EML4: variants seen among roughly 807,000 people sequenced by gnomAD.
The protein encoded by EML4 is echinoderm microtubule-associated protein-like 4.
EML4 carries 72 observed loss-of-function variants against 129.0 expected under a neutral mutation model. The observed-to-expected ratio is 0.56, with a 90% CI of 0.46 to 0.68. The LOEUF is 0.68. EML4 is among the 30% of genes least tolerant of loss of function. The pLI, the probability that EML4 is intolerant of heterozygous loss-of-function variation, is 0.00. For synonymous variants in EML4, 532 were observed against 405.0 expected (o/e 1.31, Z -3.77); for missense variants, 1,363 against 1,190.6 (o/e 1.14, Z -2.13).
intron 11 of EML4, chr2:42,289,142 A>T (rs1667475845): frequency 6.6e-6 from 1 of 152,224 alleles, no homozygotes; most frequent in African/African-American, 2.4e-5. Flanking sequence ...AAGGAATATA[A>T]GTTGTCAGAA....
chr2:42,228,888 A>C (rs1674145001), intron 1 of EML4, among the ~76,000 whole-genome samples: 1 of 152,214 alleles, frequency 6.6e-6, no homozygotes, highest in Non-Finnish European at 1.5e-5. Context: ...TAATGTTAAA[A>C]ATGATTATCA....
At chr2:42,192,554 T>A (rs1326913150) in intron 1 of EML4, among the ~76,000 whole-genome samples, 3 of 152,116 alleles carry the variant, frequency 2.0e-5, no homozygotes, top group African/African-American at 4.8e-5. Context: ...GTTTTCTTTT[T>A]AAAAGACCAT....
intron 21 of EML4, among the ~76,000 whole-genome samples, 178 bp from the exon 22 acceptor site, chr2:42,328,708 C>T (rs781515529): frequency 2.0e-5 from 3 of 152,074 alleles, no homozygotes; most frequent in Admixed American, 2.0e-4. Context: ...TTGGACAGGA[C>T]TTGATTTGAA....
intron 1 of EML4, among the ~76,000 whole-genome samples, chr2:42,181,472 G>C (rs927861750): frequency 2.0e-5 from 3 of 151,898 alleles, no homozygotes; most frequent in African/African-American, 7.3e-5. Flanking sequence ...GCTAATTTTT[G>C]TATTTTTCGT....
chr2:42,183,584 T>C (rs1179418029), intron 1 of EML4, among the ~76,000 whole-genome samples: 1 of 152,230 alleles, frequency 6.6e-6, no homozygotes, highest in Non-Finnish European at 1.5e-5. Context: ...TTGGTATATG[T>C]ATATGTATGT....
At chr2:42,326,848 C>G (rs1327637725) in intron 21 of EML4, among the ~76,000 whole-genome samples, 3 of 152,176 alleles carry the variant, frequency 2.0e-5, no homozygotes, top group African/African-American at 7.2e-5. Context: ...TGCCACTGCA[C>G]TCCAGCCTGG....
At chr2:42,257,785 C>G (rs1478817531) in intron 3 of EML4, among the ~76,000 whole-genome samples, 1 of 150,348 alleles carries the variant, frequency 6.7e-6, no homozygotes, top group East Asian at 2.0e-4. Flanking sequence ...TGCAGTGAGC[C>G]ACGATTGCGC....
intron 1 of EML4, among the ~76,000 whole-genome samples, chr2:42,231,463 C>A (rs1039543306): frequency 1.3e-5 from 2 of 152,180 alleles, no homozygotes; most frequent in African/African-American, 4.8e-5. Context: ...CTCAGCAGAT[C>A]CAAAACCACA....
chr2:42,230,016 C>T (rs1233511864), intron 1 of EML4, among the ~76,000 whole-genome samples: 1 of 152,024 alleles, frequency 6.6e-6, no homozygotes, highest in African/African-American at 2.4e-5. Flanking sequence ...CAATTATTGG[C>T]TAAATTTGCT....
At chr2:42,318,207 T>G (rs1669341791) in intron 19 of EML4, among the ~76,000 whole-genome samples, 1 of 152,234 alleles carries the variant, frequency 6.6e-6, no homozygotes, top group South Asian at 2.1e-4. Flanking sequence ...GCACAGTGGT[T>G]AAGAGCACAG....
At chr2:42,265,314 G>A (rs948652998) in intron 6 of EML4, among the ~76,000 whole-genome samples, 5 of 151,808 alleles carry the variant, frequency 3.3e-5, no homozygotes, top group Non-Finnish European at 7.4e-5. Flanking sequence ...CATGTTGGCC[G>A]GGCTGGCTGC....
intron 3 of EML4, among the ~76,000 whole-genome samples, chr2:42,260,841 A>G (rs955119089): frequency 2.6e-5 from 4 of 152,222 alleles, no homozygotes; most frequent in Admixed American, 6.5e-5. Context: ...TTGTCCCCCA[A>G]AATCTGCCAA....
At chr2:42,284,887 A>G (rs1263237729) in intron 9 of EML4, among the ~76,000 whole-genome samples, 184 bp downstream of exon 9, 2 of 152,186 alleles carry the variant, frequency 1.3e-5, no homozygotes, top group African/African-American at 4.8e-5. Flanking sequence ...AGTCATACTA[A>G]TAAATTTTGT....
intron 7 of EML4, among the ~76,000 whole-genome samples, chr2:42,282,348 A>G (rs932680718): frequency 1.4e-5 from 2 of 142,528 alleles, no homozygotes; most frequent in Non-Finnish European, 1.5e-5. Context: ...GAGTCAGGTT[A>G]CGCTAGGGAT....
chr2:42,302,394 C>A (rs985061492), intron 14 of EML4, among the ~76,000 whole-genome samples: 1 of 152,026 alleles, frequency 6.6e-6, no homozygotes, highest in Non-Finnish European at 1.5e-5. Flanking sequence ...GTGGGTAGGG[C>A]ATGTATTATT....
At position 42,261,132 on chromosome 2, in the gene EML4, A is replaced by G. The variant is rs1665707404; in HGVS notation, c.350A>G (p.Lys117Arg). 1.9e-6 allele frequency: 3 copies of G among 1,608,092 alleles called. No individual in the cohort carries two copies. The Admixed American group carries it at 5.1e-5, about 27-fold the overall frequency. Residue 117 changes from lysine (K) to arginine (R), a missense_variant, in exon 4 of 23, where the codon AAA becomes AGA. Transcript: ENST00000318522. ...LSSAAKSGTE[K>R]KKEKPQGQRE... ...ACTTTATTTTACAGTGGTACAGAAA[A>G]AAAGAAAGAAAAACCACAAGGACAG...
chr2:42,233,873 ATTGT>A (rs1422189202), intron 1 of EML4, among the ~76,000 whole-genome samples: 1 of 152,226 alleles, frequency 6.6e-6, no homozygotes, highest in Non-Finnish European at 1.5e-5. Flanking sequence ...TTGTATACAC[ATTGT>A]TTATTTTATT....
At position 42,255,530 on chromosome 2, in the gene EML4, C is replaced by G. The variant is rs1451915153; in HGVS notation, c.209-971C>G. On this transcript the variant is annotated intron_variant, in intron 2 of 22. Transcript: ENST00000318522. ...ATGATAAATTTTAGGACTGTTTTAC[C>G]ACAGTTTTTAAAAAGCTACTGATAT... Among the ~76,000 whole-genome samples the G allele has an allele frequency of 3.9e-5, 6 of 152,012 alleles. No homozygotes were observed. In the East Asian group the frequency reaches 7.7e-4, roughly 19 times the overall value.
At chr2:42,215,416 C>G (rs2104057125) in intron 1 of EML4, among the ~76,000 whole-genome samples, 1 of 152,180 alleles carries the variant, frequency 6.6e-6, no homozygotes, top group African/African-American at 2.4e-5. Flanking sequence ...TTCATAAAAT[C>G]CAACTACTTT....
Sources: gnomAD v4.1 joint callset for allele counts (sites outside exome capture counted in the v4.1 genomes callset) on GRCh38, gnomAD v4.1.1 for gene constraint, MANE v1.5 for transcripts, NCBI Gene and HGNC (gene_info 2026-07-23, HGNC 2026-07-21) for gene names.